The following DLGAP2 variants were observed in gnomAD, a reference collection of about 807,000 sequenced individuals.
The protein encoded by DLGAP2 is disks large-associated protein 2.
Under a neutral mutation model 100.3 loss-of-function variants are expected in DLGAP2, and 26 were observed. That is an observed-to-expected ratio of 0.26 (90% CI 0.19 to 0.36). The LOEUF is 0.36. Among genes scored for constraint, DLGAP2 ranks in the 10% least tolerant of loss-of-function variants. The probability of loss-of-function intolerance (pLI) is 1.00; values close to 1 mark genes in which losing one functional copy is unlikely to be tolerated. For missense variants in DLGAP2, 1,858 were observed against 1,453.2 expected (o/e 1.28, Z -4.53); for synonymous variants, 886 against 630.1 (o/e 1.41, Z -6.08).
Position 884,402 on chromosome 8 carries a change from C to G in DLGAP2, c.19-23510C>G, listed in dbSNP as rs1307885593. ...TTCTGTGATGATCAGTGATGTTGAG[C>G]TTTTTTTCATGTTTGTTGGCTGTGT... is the stretch of plus-strand genomic sequence containing the variant. On this transcript the variant is annotated intron_variant, in intron 1 of 14. Transcript: ENST00000637795. 5.3e-5 allele frequency among the ~76,000 whole-genome samples: 8 copies of G among 151,742 alleles called. No individual in the cohort carries two copies. The East Asian group carries it at 9.7e-4, about 18-fold the overall frequency.
rs538352514 is a variant in DLGAP2, at chr8:1,551,478, A to G, written c.1230+1795A>G. Reference sequence around the variant, plus strand: ...AAGCCCCTCCAGCTGCGCCTTCTCCACAGGTCCTGTGCCCCTTGGACCTGC... The same window carrying G: ...AAGCCCCTCCAGCTGCGCCTTCTCCGCAGGTCCTGTGCCCCTTGGACCTGC... On this transcript the variant is annotated intron_variant, in intron 5 of 14. Transcript: ENST00000637795. Among the ~76,000 whole-genome samples the G allele has an allele frequency of 1.1e-4, 16 of 152,180 alleles. No individual in the cohort carries two copies. The South Asian group carries it at 2.7e-3, about 26-fold the overall frequency.
intron 3 of DLGAP2, among the ~76,000 whole-genome samples, chr8:1,445,384 C>G (rs942037712): frequency 6.6e-6 from 1 of 151,586 alleles, no homozygotes; most frequent in African/African-American, 2.4e-5. Flanking sequence ...ATGGTGGTTT[C>G]CAGTTTCATC....
At chr8:1,353,837 G>A (rs970201745) in intron 3 of DLGAP2, among the ~76,000 whole-genome samples, 1 of 152,092 alleles carries the variant, frequency 6.6e-6, no homozygotes, top group Non-Finnish European at 1.5e-5. Context: ...TTTTTAATAC[G>A]GGAAAAATAT....
intron 2 of DLGAP2, among the ~76,000 whole-genome samples, chr8:1,155,963 T>C (rs1796776286): frequency 6.6e-6 from 1 of 152,188 alleles, no homozygotes; most frequent in African/African-American, 2.4e-5. Flanking sequence ...GTCCCGTTCC[T>C]GCGCTGCCCC....
At chr8:1,276,202 A>G (rs1193478713) in intron 3 of DLGAP2, among the ~76,000 whole-genome samples, 1 of 150,378 alleles carries the variant, frequency 6.6e-6, no homozygotes, top group Non-Finnish European at 1.5e-5. Flanking sequence ...CTCAACTCCA[A>G]TCAACACTCC....
At chr8:1,508,639 A>C (rs939285974) in intron 4 of DLGAP2, among the ~76,000 whole-genome samples, 3 of 147,538 alleles carry the variant, frequency 2.0e-5, no homozygotes, top group Non-Finnish European at 3.0e-5. Context: ...ATGACCTGGA[A>C]GCTCCCAGAC....
intron 2 of DLGAP2, among the ~76,000 whole-genome samples, chr8:1,240,502 CGTGTCT>C (rs1563273876): frequency 1.4e-5 from 2 of 144,056 alleles, no homozygotes; most frequent in African/African-American, 5.2e-5. Flanking sequence ...CACATGGCGC[CGTGTCT>C]AGTTCTCTCA....
At chr8:831,915 C>T (rs1333834326) in intron 1 of DLGAP2, among the ~76,000 whole-genome samples, 6 of 151,984 alleles carry the variant, frequency 3.9e-5, no homozygotes, top group Non-Finnish European at 5.9e-5. Context: ...TGCTGACTGG[C>T]GTGAGATGGT....
At chr8:1,281,893 C>T (rs992855703) in intron 3 of DLGAP2, among the ~76,000 whole-genome samples, 1 of 152,244 alleles carries the variant, frequency 6.6e-6, no homozygotes, top group Non-Finnish European at 1.5e-5. Context: ...GTTCAAACCA[C>T]AGCCAGAGGG....
At chr8:979,256 C>G (rs1404904614) in intron 2 of DLGAP2, among the ~76,000 whole-genome samples, 5 of 152,152 alleles carry the variant, frequency 3.3e-5, no homozygotes, top group Non-Finnish European at 7.3e-5. Context: ...AAACAGTAAG[C>G]AAATGGAGAT....
At chr8:1,264,134 T>G (rs1799405185) in intron 3 of DLGAP2, among the ~76,000 whole-genome samples, 2 of 150,562 alleles carry the variant, frequency 1.3e-5, no homozygotes, top group Non-Finnish European at 2.9e-5. Context: ...GTAACACAAT[T>G]TATTTCAGTG....
chr8:1,181,298 G>A (rs527905705), intron 2 of DLGAP2, among the ~76,000 whole-genome samples: 3 of 152,374 alleles, frequency 2.0e-5, no homozygotes, highest in Admixed American at 6.5e-5. Flanking sequence ...TACACTTAAC[G>A]TGTTTCGTGG....
chr8:1,490,333 G>C (rs144856559), intron 3 of DLGAP2, among the ~76,000 whole-genome samples: 1 of 152,318 alleles, frequency 6.6e-6, no homozygotes, highest in South Asian at 2.1e-4. Flanking sequence ...TTGAAAAGGC[G>C]CCTGTGGAGA....
intron 3 of DLGAP2, among the ~76,000 whole-genome samples, chr8:1,443,084 A>G (rs903344704): frequency 1.3e-5 from 2 of 152,228 alleles, no homozygotes; most frequent in African/African-American, 4.8e-5. Context: ...TATCATTTTA[A>G]TACTGCAAAT....
At chr8:989,596 C>T (rs1486772427) in intron 2 of DLGAP2, among the ~76,000 whole-genome samples, 2 of 152,094 alleles carry the variant, frequency 1.3e-5, no homozygotes, top group Non-Finnish European at 2.9e-5. Context: ...TGGGGTCAGG[C>T]TCTTAACTGT....
intron 3 of DLGAP2, among the ~76,000 whole-genome samples, chr8:1,351,337 A>T (rs113384992): frequency 0.07 from 1,281 of 18,210 alleles, 140 homozygotes; most frequent in East Asian, 0.24. Flanking sequence ...GCGGGTCCTG[A>T]GTGTGGAACG....
chr8:1,107,210 C>T lies in DLGAP2; in HGVS notation c.74-151641C>T, dbSNP rs141037238. On this transcript the variant is annotated intron_variant, in intron 2 of 14. Transcript: ENST00000637795. ...GCAGTGCACTGGTTCTGTGACTTTG[C>T]TCCAAGACTTGGTTTTCTCATCTGT... 5.6e-3 allele frequency among the ~76,000 whole-genome samples: 846 copies of T among 152,334 alleles called. 8 individuals are homozygous for T. The highest frequency in any genetic ancestry group is 0.019 in the African/African-American group (797 of 41,578).
rs569306237 is a variant in DLGAP2, at chr8:1,037,250, C to T, written c.73+129284C>T. On this transcript the variant is annotated intron_variant, in intron 2 of 14. Transcript: ENST00000637795. ...GCGCCCCGAGCTTTCCACCTTCCCT[C>T]GGGCCTTTCTCTCTCTGTTATCACC... Among the ~76,000 whole-genome samples, 7 of 152,314 alleles carry T rather than the reference C, an allele frequency of 4.6e-5. No individual in the cohort carries two copies. The South Asian group carries it at 1.5e-3, about 32-fold the overall frequency.
chr8:1,266,187 A>G (rs139990283), intron 3 of DLGAP2, among the ~76,000 whole-genome samples: 42 of 152,316 alleles, frequency 2.8e-4, no homozygotes, highest in African/African-American at 2.4e-4. Flanking sequence ...GCTGTCTACT[A>G]TCTGCGAAAG....
Sources: gnomAD v4.1 joint callset for allele counts (sites outside exome capture counted in the v4.1 genomes callset) on GRCh38, gnomAD v4.1.1 for gene constraint, MANE v1.5 for transcripts, NCBI Gene and HGNC (gene_info 2026-07-23, HGNC 2026-07-21) for gene names.